LAMC1: variants seen among roughly 807,000 people sequenced by gnomAD.
The protein encoded by LAMC1 is laminin subunit gamma-1.
LAMC1 carries 38 observed loss-of-function variants against 173.6 expected under a neutral mutation model. The observed-to-expected ratio is 0.22, with a 90% confidence interval of 0.17 to 0.29. LAMC1 has a LOEUF of 0.29. Among genes scored for constraint, LAMC1 ranks in the 10% least tolerant of loss-of-function variants. The pLI is 1.00. For missense variants in LAMC1, 1,824 were observed against 2,051.8 expected (o/e 0.89, Z 2.14); for synonymous variants, 746 against 749.1 (o/e 1.00, Z 0.07).
At chr1:183,047,402 C>T (rs1654293481) in intron 1 of LAMC1, among the ~76,000 whole-genome samples, 1 of 152,102 alleles carries the variant, frequency 6.6e-6, no homozygotes, top group Non-Finnish European at 1.5e-5. Context: ...TTAGGTCAGT[C>T]TTTATATTTT....
intron 1 of LAMC1, among the ~76,000 whole-genome samples, chr1:183,036,349 T>A (rs1653981457): frequency 6.6e-6 from 1 of 151,134 alleles, no homozygotes; most frequent in Non-Finnish European, 1.5e-5. Context: ...CCATCTGCCT[T>A]GGCCTCCCAA....
intron 1 of LAMC1, among the ~76,000 whole-genome samples, chr1:183,040,530 T>C (rs1472201735): frequency 6.6e-6 from 1 of 152,136 alleles, no homozygotes; most frequent in Non-Finnish European, 1.5e-5. Flanking sequence ...AAAATCAGGG[T>C]ATTAAATCTT....
intron 1 of LAMC1, among the ~76,000 whole-genome samples, chr1:183,071,300 C>T (rs1353444021): frequency 6.6e-6 from 1 of 152,090 alleles, no homozygotes; most frequent in African/African-American, 2.4e-5. Flanking sequence ...ATGCTGTGTT[C>T]TGTAGCTATT....
At position 183,094,939 on chromosome 1, in the gene LAMC1, C is replaced by G. The variant is rs113520681; in HGVS notation, c.419-8389C>G. ...TCAGCTCACTGCAACCTCTGCCTCCCGATTCAAGTGATTCTCCTGCCTCAG... is the reference window on the plus strand; with the variant it reads ...TCAGCTCACTGCAACCTCTGCCTCCGGATTCAAGTGATTCTCCTGCCTCAG... On this transcript the variant is annotated intron_variant, in intron 1 of 27. Transcript: ENST00000258341. 6.6e-3 allele frequency among the ~76,000 whole-genome samples: 1,006 copies of G among 151,908 alleles called. 9 individuals are homozygous for G. The highest frequency in any genetic ancestry group is 0.023 in the African/African-American group (966 of 41,428).
At chr1:183,103,244 C>T in intron 1 of LAMC1, 84 bp from the exon 2 acceptor site, 3 of 1,284,632 alleles carry the variant, frequency 2.3e-6, no homozygotes, top group Non-Finnish European at 3.3e-6. Context: ...TATCCTTTGT[C>T]AAGTTCCAAA....
rs781759819 is a variant in LAMC1 at position 183,136,455 on chromosome 1, A to G, written c.4184A>G (p.Asn1395Ser). ...EEALRKIPAI[N>S]QTITEANEKT... ...GCACTAAGGAAGATTCCTGCCATCA[A>G]CCAGACCATCACTGAAGCCAATGAA... The change falls in exon 25 of 28, where the codon AAC becomes AGC. Residue 1395 changes from asparagine (N) to serine (S), a missense_variant. Transcript: ENST00000258341. 10 of 1,614,202 alleles carry G rather than the reference A, an allele frequency of 6.2e-6. No homozygotes were observed. The highest frequency in any genetic ancestry group is 8.5e-6 in the Non-Finnish European group (10 of 1,180,030).
At chr1:183,101,154 A>G (rs1655825047) in intron 1 of LAMC1, among the ~76,000 whole-genome samples, 1 of 152,056 alleles carries the variant, frequency 6.6e-6, no homozygotes, top group Admixed American at 6.5e-5. Context: ...AAGGATAGAG[A>G]GAAAATAGAG....
chr1:183,073,972 C>T (rs1483334354), intron 1 of LAMC1, among the ~76,000 whole-genome samples: 1 of 152,126 alleles, frequency 6.6e-6, no homozygotes, highest in East Asian at 1.9e-4. Context: ...CTAAAAAAAT[C>T]CATTGCTGGG....
At chr1:183,024,771 G>T (rs1571394219) in intron 1 of LAMC1, among the ~76,000 whole-genome samples, 1 of 152,250 alleles carries the variant, frequency 6.6e-6, no homozygotes, top group African/African-American at 2.4e-5. Context: ...AAAAGGAAGT[G>T]CACTCACTGT....
intron 1 of LAMC1, among the ~76,000 whole-genome samples, chr1:183,092,657 G>C (rs1002023089): frequency 1.3e-5 from 2 of 152,184 alleles, no homozygotes; most frequent in Non-Finnish European, 2.9e-5. Context: ...GTTTTGAACT[G>C]TTTGGGTACA....
intron 3 of LAMC1, among the ~76,000 whole-genome samples, chr1:183,110,179 T>C (rs1656102905): frequency 6.6e-6 from 1 of 152,204 alleles, no homozygotes; most frequent in South Asian, 2.1e-4. Flanking sequence ...CATGCTTTTC[T>C]GAACCACTAT....
rs561338734 is a variant in LAMC1, at chr1:183,053,623, G to A, written c.418+29489G>A. On this transcript the variant is annotated intron_variant, in intron 1 of 27. Transcript: ENST00000258341. ...ATAATCCAAAACATTCATAATGAAA[G>A]ATAGTTTTGGTTTTTTTTTTTTGAC... Among the ~76,000 whole-genome samples the A allele has an allele frequency of 1.4e-3, 209 of 152,034 alleles. 1 individual carries two copies. The highest frequency in any genetic ancestry group is 4.9e-3 in the African/African-American group (204 of 41,520).
At chr1:183,132,571 C>T (rs1379525656) in intron 21 of LAMC1, 34 bp downstream of exon 21, 2 of 1,560,902 alleles carry the variant, frequency 1.3e-6, no homozygotes, top group Admixed American at 1.7e-5. Flanking sequence ...TACACCCCTT[C>T]AGGTGTTCTG....
chr1:183,035,121 T>A lies in LAMC1; in HGVS notation c.418+10987T>A, dbSNP rs181736799. ...TCTCTGATAGACCACTGCTTTAGGA[T>A]CTCTGGATTTCGACTGCTTCTGTTA... On this transcript the variant is annotated intron_variant, in intron 1 of 27. Transcript: ENST00000258341. Among the ~76,000 whole-genome samples the A allele has an allele frequency of 3.3e-5, 5 of 152,294 alleles. No homozygotes were observed. In the East Asian group the frequency reaches 7.7e-4, roughly 24 times the overall value.
intron 11 of LAMC1, among the ~76,000 whole-genome samples, chr1:183,121,186 A>G (rs1656461281): frequency 6.6e-6 from 1 of 152,110 alleles, no homozygotes; most frequent in Admixed American, 6.5e-5. Context: ...TGGGAGGCCA[A>G]GGTGGGCTGA....
chr1:183,129,114 A>T (rs10737242), intron 18 of LAMC1, among the ~76,000 whole-genome samples: 2 of 138,114 alleles, frequency 1.4e-5, no homozygotes, highest in Admixed American at 1.5e-4. Context: ...TTGAGCCACA[A>T]TCACTCTGTT....
At chr1:183,055,227 T>TGATC (rs1419116590) in intron 1 of LAMC1, among the ~76,000 whole-genome samples, 1 of 151,506 alleles carries the variant, frequency 6.6e-6, no homozygotes, top group Non-Finnish European at 1.5e-5. Context: ...TGACCTCAGG[T>TGATC]GATCCACCTG....
At chr1:183,056,388 C>A (rs936810033) in intron 1 of LAMC1, among the ~76,000 whole-genome samples, 1 of 152,194 alleles carries the variant, frequency 6.6e-6, no homozygotes, top group East Asian at 1.9e-4. Context: ...CATATATGGG[C>A]TCCTCTTGCT....
chr1:183,120,057 T>C (rs1191899059), intron 11 of LAMC1, among the ~76,000 whole-genome samples: 1 of 150,466 alleles, frequency 6.6e-6, no homozygotes, highest in African/African-American at 2.4e-5. Context: ...TGGTCCTAGC[T>C]ACCTCGGAGG....
Sources: allele counts gnomAD v4.1 joint callset (sites outside exome capture counted in the v4.1 genomes callset), GRCh38; gene constraint gnomAD v4.1.1; transcripts MANE v1.5; gene names NCBI Gene and HGNC (gene_info 2026-07-23, HGNC 2026-07-21).